The following ATP12A variants were observed in gnomAD, a reference collection of about 807,000 sequenced individuals.
ATP12A encodes the protein ATPase H+/K+ transporting non-gastric alpha2 subunit.
ATP12A carries 81 observed loss-of-function variants against 111.2 expected under a neutral mutation model. The observed-to-expected ratio is 0.73, with a 90% CI of 0.61 to 0.88. ATP12A has a LOEUF of 0.88. Among genes scored for constraint, ATP12A ranks in the 40% least tolerant of loss-of-function variants. The pLI, the probability that ATP12A is intolerant of heterozygous loss-of-function variation, is 0.00. For missense variants in ATP12A, 1,196 were observed against 1,313.1 expected (o/e 0.91, Z 1.38); for synonymous variants, 498 against 499.8 (o/e 1.00, Z 0.05).
intron 17 of ATP12A, among the ~76,000 whole-genome samples, chr13:24,708,900 G>GAAA (rs1172837437): frequency 0.013 from 865 of 64,980 alleles, 4 homozygotes; most frequent in East Asian, 0.037. Flanking sequence ...AAGAAAGAAA[G>GAAA]GAAAGAAAGA....
In ATP12A at chr13:24,711,550, C is replaced by T. The variant is rs748781325; in HGVS notation, c.*28C>T. 1.2e-6 allele frequency: 2 copies of T among 1,613,960 alleles called. No homozygotes were observed. The highest frequency in any genetic ancestry group is 3.3e-5 in the Admixed American group (2 of 60,024). Reference sequence around the variant, plus strand: ...CCACCTCCCTTCCTATGTCTCTCAGCAGCACGTTGGGGCACACTTGTTCAT... The same window carrying T: ...CCACCTCCCTTCCTATGTCTCTCAGTAGCACGTTGGGGCACACTTGTTCAT... On this transcript the variant is annotated 3_prime_UTR_variant, in exon 23 of 23. Transcript: ENST00000381946.
Position 24,691,052 on chromosome 13 carries a change from A to T in ATP12A, c.870A>T (p.Ser290=). The T allele has an allele frequency of 6.2e-7, 1 of 1,614,252 alleles. No homozygotes were observed. The highest frequency in any genetic ancestry group is 8.5e-7 in the Non-Finnish European group (1 of 1,180,040). The change falls in exon 8 of 23, where the codon TCA becomes TCT. Residue 290 remains serine (S), a synonymous_variant. Transcript: ENST00000381946. ...TIIGHIASLA[S]GVGNEKTPIA... ...TTGGCCATATTGCCTCATTGGCCTCAGGAGTTGGAAATGAGAAGACGCCCA... is the reference window on the plus strand; with the variant it reads ...TTGGCCATATTGCCTCATTGGCCTCTGGAGTTGGAAATGAGAAGACGCCCA...
At position 24,692,821 on chromosome 13, in the gene ATP12A, C is replaced by T; in HGVS notation, c.1302C>T (p.Ala434=). The change falls in exon 10 of 23, where the codon GCC becomes GCT. Residue 434 remains alanine (A), a synonymous_variant. Coordinates refer to ENST00000381946, the MANE Select transcript of ATP12A (RefSeq NM_001676.7). Reference sequence around the variant, plus strand: ...TTGACCAAAGCTCTAGGACTTGGGCCTCCTTATCCAAGATAATAACATTGT... The same window carrying T: ...TTGACCAAAGCTCTAGGACTTGGGCTTCCTTATCCAAGATAATAACATTGT... ...QVFDQSSRTW[A]SLSKIITLCN... is the part of the protein sequence containing the mutation. The T allele has an allele frequency of 3.1e-6, 5 of 1,614,172 alleles. No homozygotes were observed. The highest frequency in any genetic ancestry group is 4.2e-6 in the Non-Finnish European group (5 of 1,180,030).
At chr13:24,684,178 T>C (rs975044275) in intron 2 of ATP12A, among the ~76,000 whole-genome samples, 1 of 152,142 alleles carries the variant, frequency 6.6e-6, no homozygotes, top group African/African-American at 2.4e-5. Context: ...CTTAGTGGGT[T>C]GTGCTGTGCT....
At chr13:24,700,077 A>T (rs1399007212) in intron 12 of ATP12A, among the ~76,000 whole-genome samples, 4 of 152,152 alleles carry the variant, frequency 2.6e-5, no homozygotes, top group African/African-American at 9.7e-5. Context: ...AATAAATTGG[A>T]TGTGAAAGCT....
rs1874638054 is a variant in ATP12A, at chr13:24,685,596, GGACA to G, written c.228+226_228+229del. On this transcript the variant is annotated intron_variant, in intron 3 of 22. Coordinates refer to ENST00000381946, the MANE Select transcript of ATP12A (RefSeq NM_001676.7). This position sits in a 1 kb window ranked among gnomAD's most constrained non-coding sequence, Gnocchi z 5.5. ...GCCTGGCAGTGAGAGGGACCAAGAG[GGACA>G]GATGACCCCTGGCCTCAAGGAGAAA... Among the ~76,000 whole-genome samples the G allele has an allele frequency of 6.6e-6, 1 of 152,146 alleles. No individual in the cohort carries two copies. The highest frequency in any genetic ancestry group is 6.5e-5 in the Admixed American group (1 of 15,276).
Position 24,681,630 on chromosome 13 carries a change from T to C in ATP12A, c.78T>C (p.Asp26=), listed in dbSNP as rs1566067651. The change falls in exon 2 of 23, where the codon GAT becomes GAC. Residue 26 remains aspartate, a synonymous_variant. Coordinates refer to ENST00000381946, the MANE Select transcript of ATP12A (RefSeq NM_001676.7). The stretch of plus-strand genomic sequence containing the variant: ...ACATCGTGAAAACAGACAAGGGGGA[T>C]GGCAAGGAGAAGTATAGGGGTCTGA... The part of the protein sequence containing the change: ...TKDIVKTDKG[D]GKEKYRGLKN... 1.2e-6 allele frequency: 2 copies of C among 1,614,188 alleles called. No homozygotes were observed. The highest frequency in any genetic ancestry group is 1.7e-6 in the Non-Finnish European group (2 of 1,180,036).
Position 24,709,763 on chromosome 13 carries a change from A to T in ATP12A, c.2698A>T (p.Asn900Tyr), listed in dbSNP as rs1566078794. The T allele has an allele frequency of 6.2e-7, 1 of 1,614,228 alleles. No homozygotes were observed. Among genetic ancestry groups the T allele is most frequent in the Non-Finnish European group, 8.5e-7 (1 of 1,180,042 alleles). ...QEGFLPRTLI[N>Y]LRVEWEKDYV... ...GGGCTTTCTGCCCCGCACTCTCATT[A>T]ACCTGCGGGTAGAATGGGAGAAGGA... The change falls in exon 19 of 23, where the codon AAC (asparagine) becomes TAC (tyrosine). Residue 900 changes from asparagine (N) to tyrosine (Y), a missense_variant. Physicochemically the swap from Asn to Tyr is moderately radical, Grantham distance 143. Coordinates refer to ENST00000381946, the MANE Select transcript of ATP12A (RefSeq NM_001676.7).
chr13:24,704,911 A>G (rs1336050493), intron 14 of ATP12A: 1 of 152,522 alleles, frequency 6.6e-6, no homozygotes, highest in Admixed American at 6.5e-5. Flanking sequence ...TATTCACTTC[A>G]TCAGCTCTAG....
rs757713384 is a variant in ATP12A, at chr13:24,711,977, C to T, written c.*455C>T. On this transcript the variant is annotated 3_prime_UTR_variant, in exon 23 of 23. Transcript: ENST00000381946. ...GGTATGTTTTCATGGTCTCCTTGCT[C>T]GAAAAAGGCCAACTCACCCGAGGGT... 82 of 185,864 alleles carry T rather than the reference C, an allele frequency of 4.4e-4. No individual in the cohort carries two copies. The highest frequency in any genetic ancestry group is 3.8e-4 in the Admixed American group (7 of 18,508). 11.5% of individuals were successfully genotyped at this position (185,864 alleles called of 1,614,324 possible).
At position 24,711,627 on chromosome 13, in the gene ATP12A, T is replaced by A. The variant is rs1875976908; in HGVS notation, c.*105T>A. ...CCTGCAGTGCAGACATCGTCAAAATTCAGACAAGAGGAAATTTTCATGCAG... is the reference window on the plus strand; with the variant it reads ...CCTGCAGTGCAGACATCGTCAAAATACAGACAAGAGGAAATTTTCATGCAG... On this transcript the variant is annotated 3_prime_UTR_variant, in exon 23 of 23. Transcript: ENST00000381946. The A allele has an allele frequency of 7.3e-6, 11 of 1,510,644 alleles. No homozygotes were observed. The highest frequency in any genetic ancestry group is 1.8e-4 in the Middle Eastern group (1 of 5,666). 93.6% of individuals were successfully genotyped at this position (1,510,644 alleles called of 1,614,324 possible).
intron 17 of ATP12A, among the ~76,000 whole-genome samples, chr13:24,708,961 G>GAAA (rs879357811): frequency 3.4e-5 from 4 of 118,286 alleles, no homozygotes; most frequent in African/African-American, 1.2e-4. Flanking sequence ...AAGAAAGAAA[G>GAAA]AAGGAAAGAG....
At chr13:24,691,808 G>C (rs949666482) in intron 8 of ATP12A, among the ~76,000 whole-genome samples, 1 of 152,130 alleles carries the variant, frequency 6.6e-6, no homozygotes, top group Admixed American at 6.5e-5. Context: ...GGGGGTTTAT[G>C]TTTCCAGTTT....
intron 15 of ATP12A, 59 bp downstream of exon 15, chr13:24,706,522 C>T (rs1471372434): frequency 6.3e-6 from 10 of 1,584,288 alleles, no homozygotes; most frequent in Non-Finnish European, 8.6e-6. Context: ...TGGGCAAGTG[C>T]AGAGGTCTGG....
intron 2 of ATP12A, among the ~76,000 whole-genome samples, chr13:24,683,469 T>C (rs1874555960): frequency 6.6e-6 from 1 of 152,226 alleles, no homozygotes. Flanking sequence ...CTTGGCAGGC[T>C]GACTGACATC....
Position 24,696,743 on chromosome 13 carries a change from A to AAAAG in ATP12A, c.1513-1910_1513-1907dup, listed in dbSNP as rs1566073930. On this transcript the variant is annotated intron_variant, in intron 11 of 22. Transcript: ENST00000381946. ...CAAAAAAAAAAAAAAAAAAAAAAAAAAAAGAAAGGGGAGAGGGGCTGTGTG... is the reference window on the plus strand; with the variant it reads ...CAAAAAAAAAAAAAAAAAAAAAAAAAAAAGAAAGAAAGGGGAGAGGGGCTGTGTG... Among the ~76,000 whole-genome samples the AAAAG allele has an allele frequency of 8.7e-4, 86 of 99,346 alleles. 11 individuals are homozygous for AAAAG. The highest frequency in any genetic ancestry group is 2.3e-3 in the South Asian group (5 of 2,194). The allele number at this position is 99,346 out of a possible 152,430, so 65.2% of individuals were successfully genotyped here.
At chr13:24,705,411 G>A (rs1875584078) in intron 14 of ATP12A, among the ~76,000 whole-genome samples, 1 of 152,208 alleles carries the variant, frequency 6.6e-6, no homozygotes, top group Non-Finnish European at 1.5e-5. Context: ...CAAGCACGGT[G>A]GAAAGCCCCT....
At chr13:24,687,989 A>G (rs1456975565) in intron 3 of ATP12A, among the ~76,000 whole-genome samples, 2 of 152,184 alleles carry the variant, frequency 1.3e-5, no homozygotes, top group African/African-American at 2.4e-5. Context: ...GGTCCCTTCG[A>G]CAGGTTACGT....
rs112316767 is a variant in ATP12A at position 24,691,316 on chromosome 13, G to A, written c.1068+66G>A. On this transcript the variant is annotated intron_variant, in intron 8 of 22. Transcript: ENST00000381946. ...GACACAGCACTGGTGCTGGGGAGGC[G>A]CCCACACAAACTGCAATCTCCCCCA... is the stretch of plus-strand genomic sequence containing the variant. 0.01 allele frequency: 15,658 copies of A among 1,518,410 alleles called. 787 individuals carry two copies. In the African/African-American group the frequency reaches 0.14, roughly 13 times the overall value. 94.1% of individuals were successfully genotyped at this position (1,518,410 alleles called of 1,614,324 possible).
Sources: allele counts gnomAD v4.1 joint callset (sites outside exome capture counted in the v4.1 genomes callset), GRCh38; gene constraint gnomAD v4.1.1; non-coding constraint Gnocchi (gnomAD v3.1); transcripts MANE v1.5; gene names NCBI Gene and HGNC (gene_info 2026-07-23, HGNC 2026-07-21).